Variants in FBXL13 observed in about 807,000 individuals in gnomAD.
The protein encoded by FBXL13 is F-box and leucine rich repeat protein 13.
In FBXL13, 67 loss-of-function variants were observed where a neutral mutation model predicts 83.6. That is an observed-to-expected ratio of 0.80 (90% CI 0.66 to 0.98). The LOEUF (loss-of-function observed/expected upper bound fraction) is 0.98. FBXL13 is among the 50% of genes least tolerant of loss of function. The pLI is 0.00. For missense variants in FBXL13, 822 were observed against 866.5 expected (o/e 0.95, Z 0.64); for synonymous variants, 272 against 299.5 (o/e 0.91, Z 0.95).
At chr7:102,862,668 T>G (rs1807040120) in intron 16 of FBXL13, among the ~76,000 whole-genome samples, 1 of 152,236 alleles carries the variant, frequency 6.6e-6, no homozygotes, top group Non-Finnish European at 1.5e-5. Context: ...TATACATAGA[T>G]GAACAGTTTT....
chr7:102,916,654 C>T (rs142154617), intron 10 of FBXL13, among the ~76,000 whole-genome samples: 2 of 152,266 alleles, frequency 1.3e-5, no homozygotes, highest in Admixed American at 6.5e-5. Context: ...TTGGCAAAGA[C>T]GCGTGTCCCC....
At chr7:102,826,742 T>TAC (rs1289036113) in intron 18 of FBXL13, among the ~76,000 whole-genome samples, 6 of 93,622 alleles carry the variant, frequency 6.4e-5, no homozygotes, top group African/African-American at 2.6e-4. Context: ...TATATATATA[T>TAC]ATATATATAT....
intron 8 of FBXL13, among the ~76,000 whole-genome samples, chr7:102,955,456 A>T (rs940764068): frequency 6.6e-6 from 1 of 152,164 alleles, no homozygotes; most frequent in Admixed American, 6.5e-5. Flanking sequence ...TAAAATCGAC[A>T]CCCTAACATC....
At chr7:102,916,750 T>C (rs570283509) in intron 10 of FBXL13, among the ~76,000 whole-genome samples, 3 of 151,892 alleles carry the variant, frequency 2.0e-5, no homozygotes, top group Admixed American at 6.6e-5. Context: ...TGTTTACAGC[T>C]TGTTTTTATC....
intron 1 of FBXL13, among the ~76,000 whole-genome samples, chr7:103,070,521 A>G (rs1416177311): frequency 6.6e-6 from 1 of 152,226 alleles, no homozygotes; most frequent in Non-Finnish European, 1.5e-5. Flanking sequence ...TAATTTTAAA[A>G]TAACAACCAT....
At chr7:102,970,080 AT>A (rs1027156498) in intron 6 of FBXL13, among the ~76,000 whole-genome samples, 85 of 151,894 alleles carry the variant, frequency 5.6e-4, no homozygotes, top group Middle Eastern at 6.8e-3. Context: ...GTGAAACCCC[AT>A]TTCAACTAAA....
chr7:102,913,311 C>T, intron 10 of FBXL13, 96 bp from the exon 12 acceptor site: 1 of 1,472,162 alleles, frequency 6.8e-7, no homozygotes, highest in Non-Finnish European at 9.3e-7. Flanking sequence ...GTAAATTCAA[C>T]TCTTCTTCTT....
intron 8 of FBXL13, among the ~76,000 whole-genome samples, chr7:102,953,428 G>A (rs1174842654): frequency 6.6e-6 from 1 of 151,976 alleles, no homozygotes. Flanking sequence ...CATTTCAGTT[G>A]ACTTAGAAAA....
At chr7:102,927,538 C>A (rs1818357342) in intron 9 of FBXL13, among the ~76,000 whole-genome samples, 1 of 152,148 alleles carries the variant, frequency 6.6e-6, no homozygotes, top group Non-Finnish European at 1.5e-5. Flanking sequence ...TCCTGCAGGT[C>A]AGAGCATCTG....
At chr7:102,825,842 C>T (rs919063264) in intron 18 of FBXL13, among the ~76,000 whole-genome samples, 1 of 152,132 alleles carries the variant, frequency 6.6e-6, no homozygotes, top group African/African-American at 2.4e-5. Flanking sequence ...TTTGAATTCC[C>T]CAGCTCTGGC....
At chr7:102,897,365 A>G (rs1469916439) in intron 11 of FBXL13, among the ~76,000 whole-genome samples, 1 of 152,106 alleles carries the variant, frequency 6.6e-6, no homozygotes, top group African/African-American at 2.4e-5. Flanking sequence ...AATACTATTA[A>G]AAGTAGGAAA....
At chr7:102,939,679 G>T in intron 8 of FBXL13, 1 of 1,086,930 alleles carries the variant, frequency 9.2e-7, no homozygotes, top group South Asian at 2.0e-5. Flanking sequence ...CAGTTTAAAA[G>T]TAACTGAACT....
chr7:103,033,496 C>T (rs773826674), intron 2 of FBXL13, among the ~76,000 whole-genome samples: 2 of 152,148 alleles, frequency 1.3e-5, no homozygotes, highest in Admixed American at 6.5e-5. Context: ...TTCTGATGTT[C>T]GGATGTGTTC....
chr7:102,923,027 G>T (rs1301775722), intron 10 of FBXL13, among the ~76,000 whole-genome samples: 1 of 152,030 alleles, frequency 6.6e-6, no homozygotes, highest in African/African-American at 2.4e-5. Context: ...ATTGAAGAAT[G>T]ATTACAGTTC....
rs114850099 is a variant in FBXL13, at chr7:102,932,664, G to C, written c.725-731C>G. ...CGCTAGAGTGCAGTGGCACCATGTT[G>C]GCTCACTGCAGCCTCAACCTCCCAG... On this transcript the variant is annotated intron_variant, in intron 8 of 19. Transcript: ENST00000313221. 3.7e-3 allele frequency among the ~76,000 whole-genome samples: 561 copies of C among 152,288 alleles called. 4 individuals are homozygous for C. The highest frequency in any genetic ancestry group is 0.013 in the African/African-American group (555 of 41,550).
At chr7:102,923,613 G>C (rs1292009459) in intron 10 of FBXL13, among the ~76,000 whole-genome samples, 1 of 150,722 alleles carries the variant, frequency 6.6e-6, no homozygotes, top group African/African-American at 2.4e-5. Flanking sequence ...ACGAGGTCAG[G>C]AGTTCAAGAC....
chr7:102,982,313 A>C (rs2129483541), intron 6 of FBXL13, among the ~76,000 whole-genome samples: 1 of 152,282 alleles, frequency 6.6e-6, no homozygotes, highest in South Asian at 2.1e-4. Flanking sequence ...TTTTGCTAGT[A>C]GGTTACTAGG....
intron 6 of FBXL13, among the ~76,000 whole-genome samples, chr7:102,990,800 G>A (rs1398233907): frequency 1.3e-5 from 2 of 152,240 alleles, no homozygotes; most frequent in East Asian, 3.9e-4. Flanking sequence ...CATATGGCCA[G>A]AGAGGGTGCC....
At chr7:103,024,857 A>ATATATATATTTTTT (rs1298384907) in intron 6 of FBXL13, among the ~76,000 whole-genome samples, 1 of 62,852 alleles carries the variant, frequency 1.6e-5, no homozygotes, top group African/African-American at 9.0e-5. Flanking sequence ...ATATATATAT[A>ATATATATATTTTTT]TTTTTTTTTT....
Sources: gnomAD v4.1 joint callset for allele counts (sites outside exome capture counted in the v4.1 genomes callset) on GRCh38, gnomAD v4.1.1 for gene constraint, MANE v1.5 for transcripts, NCBI Gene and HGNC (gene_info 2026-07-23, HGNC 2026-07-21) for gene names.